MALRD1: variants seen among roughly 807,000 people sequenced by gnomAD.
The protein encoded by MALRD1 is MAM and LDL-receptor class A domain-containing protein 1.
In MALRD1, 247 loss-of-function variants were observed where a neutral mutation model predicts 242.1. That is an observed-to-expected ratio of 1.02 (90% confidence interval 0.92 to 1.13). MALRD1 has a LOEUF of 1.13. Ranked by LOEUF, MALRD1 falls within the 50% of genes most tolerant of loss-of-function variation. MALRD1 has a pLI of 0.00. For missense variants in MALRD1, 2,989 were observed against 2,533.1 expected (o/e 1.18, Z -3.86); for synonymous variants, 995 against 866.6 (o/e 1.15, Z -2.60).
intron 34 of MALRD1, among the ~76,000 whole-genome samples, chr10:19,599,819 C>G (rs1838270000): frequency 6.6e-6 from 1 of 152,068 alleles, no homozygotes; most frequent in Non-Finnish European, 1.5e-5. Flanking sequence ...TTAGTTAAGG[C>G]AAGCGGTTAG....
intron 36 of MALRD1, among the ~76,000 whole-genome samples, chr10:19,637,481 A>G (rs1840190722): frequency 6.6e-6 from 1 of 152,220 alleles, no homozygotes; most frequent in Non-Finnish European, 1.5e-5. Context: ...GAGGTTCAGA[A>G]GCTTTCCCTT....
chr10:19,604,602 C>A (rs1198846964), intron 34 of MALRD1, among the ~76,000 whole-genome samples: 1 of 152,130 alleles, frequency 6.6e-6, no homozygotes, highest in Non-Finnish European at 1.5e-5. Flanking sequence ...CTAGATCTAG[C>A]TAAAATCATT....
At chr10:19,661,872 A>T (rs1266116462) in intron 36 of MALRD1, among the ~76,000 whole-genome samples, 1 of 152,188 alleles carries the variant, frequency 6.6e-6, no homozygotes, top group African/African-American at 2.4e-5. Flanking sequence ...GAACAAACCA[A>T]GGAAAACAGC....
chr10:19,165,280 G>A (rs865885909), intron 12 of MALRD1, among the ~76,000 whole-genome samples: 9 of 75,606 alleles, frequency 1.2e-4, no homozygotes, highest in African/African-American at 7.0e-4. Flanking sequence ...GTTTTGTTTT[G>A]TTTTTGTTTT....
chr10:19,592,767 G>GCA (rs138483194), intron 33 of MALRD1, among the ~76,000 whole-genome samples: 14,772 of 103,978 alleles, frequency 0.14, 1,375 homozygotes, highest in African/African-American at 0.26. Flanking sequence ...ACACACGCAC[G>GCA]CACACACACA....
intron 19 of MALRD1, among the ~76,000 whole-genome samples, chr10:19,259,601 C>T (rs1839659608): frequency 6.6e-6 from 1 of 152,142 alleles, no homozygotes; most frequent in African/African-American, 2.4e-5. Context: ...ATTCAATTAC[C>T]TCTCAATGGG....
chr10:19,357,239 T>C (rs991220422), intron 26 of MALRD1, among the ~76,000 whole-genome samples: 1 of 152,166 alleles, frequency 6.6e-6, no homozygotes, highest in Admixed American at 6.5e-5. Context: ...ACCCAATGTA[T>C]CTGAAACACA....
At chr10:19,425,461 T>C (rs1833869457) in intron 28 of MALRD1, among the ~76,000 whole-genome samples, 1 of 152,172 alleles carries the variant, frequency 6.6e-6, no homozygotes, top group Admixed American at 6.5e-5. Flanking sequence ...TGTGTATGTA[T>C]ACATGGATCC....
At chr10:19,334,213 G>A (rs1435274989) in intron 24 of MALRD1, among the ~76,000 whole-genome samples, 2 of 128,948 alleles carry the variant, frequency 1.6e-5, no homozygotes, top group Non-Finnish European at 3.2e-5. Context: ...TGCTTTTGAT[G>A]ATTTAGTCAT....
chr10:19,389,679 A>G, intron 28 of MALRD1, 70 bp downstream of exon 28: 2 of 1,435,158 alleles, frequency 1.4e-6, no homozygotes, highest in Non-Finnish European at 1.9e-6. Flanking sequence ...TTGCTCTGTC[A>G]CTCAGGCTGC....
chr10:19,532,318 G>C (rs532278238), intron 32 of MALRD1, among the ~76,000 whole-genome samples: 1 of 152,100 alleles, frequency 6.6e-6, no homozygotes, highest in Non-Finnish European at 1.5e-5. Flanking sequence ...GCAGTGGTGC[G>C]ATCTCAGTTC....
intron 21 of MALRD1, among the ~76,000 whole-genome samples, chr10:19,306,376 CGTGT>C (rs1842202784): frequency 2.1e-5 from 2 of 95,770 alleles, no homozygotes; most frequent in Non-Finnish European, 4.4e-5. Context: ...GTATATATAC[CGTGT>C]ATAGTATATA....
At chr10:19,677,622 G>C (rs1298311128) in intron 36 of MALRD1, among the ~76,000 whole-genome samples, 1 of 152,066 alleles carries the variant, frequency 6.6e-6, no homozygotes, top group Non-Finnish European at 1.5e-5. Context: ...TAGGTTGTCG[G>C]TCCACTCTGA....
chr10:19,342,866 C>G (rs1843945410), intron 24 of MALRD1, among the ~76,000 whole-genome samples: 1 of 151,870 alleles, frequency 6.6e-6, no homozygotes, highest in African/African-American at 2.4e-5. Flanking sequence ...AGTGGCAAGT[C>G]TTAGGATAAT....
At chr10:19,289,472 A>T (rs1841299424) in intron 21 of MALRD1, among the ~76,000 whole-genome samples, 1 of 152,192 alleles carries the variant, frequency 6.6e-6, no homozygotes, top group African/African-American at 2.4e-5. Flanking sequence ...ACACAAAATT[A>T]ACTTTTAAAT....
chr10:19,625,216 A>G (rs1303865763), intron 36 of MALRD1, among the ~76,000 whole-genome samples: 1 of 152,194 alleles, frequency 6.6e-6, no homozygotes, highest in East Asian at 1.9e-4. Context: ...AGATCTGACT[A>G]GACGGCTTAT....
At chr10:19,312,663 T>C (rs1413790532) in intron 21 of MALRD1, among the ~76,000 whole-genome samples, 2 of 151,192 alleles carry the variant, frequency 1.3e-5, no homozygotes, top group African/African-American at 4.8e-5. Context: ...ATTTGCAAAA[T>C]GGTGATCATC....
chr10:19,095,928 C>G (rs1352446098), intron 4 of MALRD1, among the ~76,000 whole-genome samples: 2 of 152,132 alleles, frequency 1.3e-5, no homozygotes, highest in Non-Finnish European at 2.9e-5. Context: ...CCATCTCTCT[C>G]CGTTCTTGCA....
At chr10:19,605,407 A>T (rs1353909997) in intron 34 of MALRD1, among the ~76,000 whole-genome samples, 1 of 150,746 alleles carries the variant, frequency 6.6e-6, no homozygotes, top group East Asian at 2.0e-4. Context: ...ACCTCATGTG[A>T]TCTGCCCACC....
Sources: gnomAD v4.1 joint callset for allele counts (sites outside exome capture counted in the v4.1 genomes callset) on GRCh38, gnomAD v4.1.1 for gene constraint, MANE v1.5 for transcripts, NCBI Gene and HGNC (gene_info 2026-07-23, HGNC 2026-07-21) for gene names.